Variants in UBE2F observed in about 807,000 individuals in gnomAD.
The protein encoded by UBE2F is ubiquitin conjugating enzyme E2 F (putative).
Under a neutral mutation model 29.6 loss-of-function variants are expected in UBE2F, and 5 were observed. The ratio of observed to expected loss-of-function variants is 0.17; its 90% CI spans 0.09 to 0.36. UBE2F has a LOEUF of 0.36. Among genes scored for constraint, UBE2F ranks in the 10% least tolerant of loss-of-function variants. The pLI, the probability that UBE2F is intolerant of heterozygous loss-of-function variation, is 1.00. For missense variants in UBE2F, 141 were observed against 228.5 expected (o/e 0.62, Z 2.47); for synonymous variants, 66 against 81.8 (o/e 0.81, Z 1.04).
intron 4 of UBE2F, among the ~76,000 whole-genome samples, chr2:237,997,687 C>G (rs2063717926): frequency 6.6e-6 from 1 of 152,180 alleles, no homozygotes; most frequent in Non-Finnish European, 1.5e-5. Flanking sequence ...GGAAGAATTG[C>G]GTCTGCATTT....
chr2:238,028,588 C>A (rs774993260), intron 6 of UBE2F, among the ~76,000 whole-genome samples: 1 of 152,216 alleles, frequency 6.6e-6, no homozygotes, highest in Non-Finnish European at 1.5e-5. Flanking sequence ...GAAAGACGTC[C>A]ACCCAGTTGG....
chr2:238,030,730 G>A (rs182250030), intron 7 of UBE2F, 117 bp downstream of exon 7: 10 of 741,084 alleles, frequency 1.3e-5, no homozygotes, highest in Middle Eastern at 2.3e-4. Context: ...ACCAGTGGCC[G>A]GACACACCCT....
intron 2 of UBE2F, among the ~76,000 whole-genome samples, chr2:237,980,916 T>TGG (rs1451768308): frequency 6.6e-6 from 1 of 152,188 alleles, no homozygotes; most frequent in Non-Finnish European, 1.5e-5. Flanking sequence ...ACGTGCTGTG[T>TGG]GGGGGCCTCT....
rs564001701 is a variant in UBE2F at position 237,967,109 on chromosome 2, C to G, written c.-40C>G. 4 of 1,343,172 alleles carry G rather than the reference C, an allele frequency of 3.0e-6. No individual in the cohort carries two copies. The highest frequency in any genetic ancestry group is 3.8e-6 in the Non-Finnish European group (4 of 1,043,396). The allele number at this position is 1,343,172 out of a possible 1,614,324, so 83.2% of individuals were successfully genotyped here. A position where few individuals can be genotyped will look rare whatever the true frequency, so the allele number is the denominator to read the frequency against. On this transcript the variant is annotated 5_prime_UTR_variant, in exon 1 of 10. Coordinates refer to ENST00000272930, the MANE Select transcript of UBE2F (RefSeq NM_080678.3). The surrounding 1 kb of genome is among the most constrained non-coding windows in gnomAD (Gnocchi z 6.3). ...GGCATGGTGTTGGGCGCCGGGCCCG[C>G]CTCGCCTGTCTCGGGGAGCCCAGGT... is the stretch of plus-strand genomic sequence containing the variant.
intron 4 of UBE2F, among the ~76,000 whole-genome samples, chr2:238,007,198 T>TGCAGTG (rs2063926836): frequency 1.3e-5 from 2 of 152,190 alleles, no homozygotes; most frequent in African/African-American, 2.4e-5. Context: ...CTCAGCTCAC[T>TGCAGTG]GCATTCTCTG....
At position 238,025,272 on chromosome 2, in the gene UBE2F, A is replaced by C. The variant is rs2064395189; in HGVS notation, c.283-70A>C. 1.1e-5 allele frequency: 15 copies of C among 1,349,646 alleles called. No homozygotes were observed. In the South Asian group the frequency reaches 1.6e-4, roughly 15 times the overall value. The allele number at this position is 1,349,646 out of a possible 1,614,324, so 83.6% of individuals were successfully genotyped here. A position where few individuals can be genotyped will look rare whatever the true frequency, so the allele number is the denominator to read the frequency against. On this transcript the variant is annotated intron_variant, in intron 5 of 9. Coordinates refer to ENST00000272930, the MANE Select transcript of UBE2F (RefSeq NM_080678.3). ...AAGCGTCTAGATAGGGGATGTGGTA[A>C]GGCTCTGGCCTGGAGATGTGATTTG... is the stretch of plus-strand genomic sequence containing the variant.
intron 6 of UBE2F, 63 bp from the exon 7 acceptor site, chr2:238,030,493 T>C (rs1283305487): frequency 8.4e-7 from 1 of 1,196,656 alleles, no homozygotes; most frequent in East Asian, 2.4e-5. Context: ...AGAGGACTAG[T>C]TGGCAGCGTG....
At chr2:237,983,527 T>C (rs1417787339) in intron 2 of UBE2F, among the ~76,000 whole-genome samples, 1 of 152,028 alleles carries the variant, frequency 6.6e-6, no homozygotes, top group East Asian at 1.9e-4. Flanking sequence ...GGCCTGCAGG[T>C]CTCCTGAACC....
intron 3 of UBE2F, among the ~76,000 whole-genome samples, chr2:237,992,849 T>G (rs1472640354): frequency 6.6e-6 from 1 of 152,214 alleles, no homozygotes; most frequent in Non-Finnish European, 1.5e-5. Context: ...TTTTTATCAT[T>G]GTCAAACTAA....
intron 6 of UBE2F, 147 bp downstream of exon 6, chr2:238,025,559 C>T (rs994838448): frequency 5.0e-5 from 35 of 705,132 alleles, no homozygotes; most frequent in Non-Finnish European, 7.9e-5. Context: ...GCTGCGGTTG[C>T]CTGCCTGCTC....
chr2:238,011,529 A>C (rs2064029370), intron 4 of UBE2F, among the ~76,000 whole-genome samples: 1 of 152,262 alleles, frequency 6.6e-6, no homozygotes, highest in Non-Finnish European at 1.5e-5. Context: ...AGGGCCTAGA[A>C]CTGTGTGTGG....
intron 2 of UBE2F, among the ~76,000 whole-genome samples, chr2:237,980,620 C>T (rs758519176): frequency 1.3e-5 from 2 of 152,194 alleles, no homozygotes; most frequent in Non-Finnish European, 2.9e-5. Context: ...ATTCAGTCCA[C>T]AGCGCCTTTG....
chr2:237,991,609 C>CTTTTTTTTTTTTTTTTTTTTT (rs774476848), intron 3 of UBE2F, among the ~76,000 whole-genome samples: 8 of 53,042 alleles, frequency 1.5e-4, no homozygotes, highest in South Asian at 6.1e-4. Flanking sequence ...TTCTTTCTTT[C>CTTTTTTTTTTTTTTTTTTTTT]TTTTTTTTTT....
intron 2 of UBE2F, among the ~76,000 whole-genome samples, chr2:237,987,753 T>C (rs1385081028): frequency 6.6e-6 from 1 of 152,230 alleles, no homozygotes; most frequent in Admixed American, 6.5e-5. Flanking sequence ...TCAAGGACTT[T>C]TGACTGAATT....
chr2:238,003,884 A>G (rs2106366289), intron 4 of UBE2F, among the ~76,000 whole-genome samples: 1 of 152,330 alleles, frequency 6.6e-6, no homozygotes, highest in South Asian at 2.1e-4. Context: ...CCATCACCTC[A>G]AAAAGTTGCC....
chr2:237,997,386 CTG>C (rs1312001875), intron 4 of UBE2F, among the ~76,000 whole-genome samples: 1 of 152,020 alleles, frequency 6.6e-6, no homozygotes, highest in Non-Finnish European at 1.5e-5. Context: ...TTTGTGATGT[CTG>C]TGAATTAGAA....
At chr2:237,987,867 TTG>T in intron 2 of UBE2F, 94 bp from the exon 3 acceptor site, 2 of 671,768 alleles carry the variant, frequency 3.0e-6, no homozygotes, top group Non-Finnish European at 5.1e-6. Context: ...TTTTTTTTTT[TTG>T]ATTCAGTGTT....
chr2:238,033,031 G>A (rs1156889612), intron 8 of UBE2F, among the ~76,000 whole-genome samples: 1 of 152,160 alleles, frequency 6.6e-6, no homozygotes, highest in African/African-American at 2.4e-5. Flanking sequence ...GTTACTCTGG[G>A]GTCACTTGGC....
At chr2:238,008,038 C>G (rs1405926993) in intron 4 of UBE2F, among the ~76,000 whole-genome samples, 2 of 152,244 alleles carry the variant, frequency 1.3e-5, no homozygotes, top group East Asian at 3.9e-4. Context: ...ACTGCAGCCT[C>G]AACATCCTGG....
Sources: allele counts gnomAD v4.1 joint callset (sites outside exome capture counted in the v4.1 genomes callset), GRCh38; gene constraint gnomAD v4.1.1; non-coding constraint Gnocchi (gnomAD v3.1); transcripts MANE v1.5; gene names NCBI Gene and HGNC (gene_info 2026-07-23, HGNC 2026-07-21).